Variants in CDH19 observed in about 807,000 individuals in gnomAD.
CDH19 encodes cadherin-19.
In CDH19, 67 loss-of-function variants were observed where a neutral mutation model predicts 64.2. The observed-to-expected ratio is 1.04, with a 90% confidence interval of 0.86 to 1.28. CDH19 has a LOEUF of 1.28. Ranked by LOEUF, CDH19 falls within the 50% of genes most tolerant of loss-of-function variation. The pLI is 0.00. For synonymous variants in CDH19, 346 were observed against 319.3 expected (o/e 1.08, Z -0.89); for missense variants, 1,030 against 929.0 (o/e 1.11, Z -1.41).
chr18:66,581,983 T>C (rs759929523), intron 1 of CDH19, among the ~76,000 whole-genome samples: 3 of 152,128 alleles, frequency 2.0e-5, no homozygotes, highest in Non-Finnish European at 4.4e-5. Context: ...TGTAAACAAA[T>C]GTATTCATAA....
chr18:66,535,075 A>G lies in CDH19; in HGVS notation c.1247T>C (p.Ile416Thr). 6.7e-7 allele frequency: 1 copy of G among 1,501,986 alleles called. No homozygotes were observed. Among genetic ancestry groups the G allele is most frequent in the Non-Finnish European group, 9.0e-7 (1 of 1,105,534 alleles). 93.0% of individuals were successfully genotyped at this position (1,501,986 alleles called of 1,614,324 possible). A position where few individuals can be genotyped will look rare whatever the true frequency, so the allele number is the denominator to read the frequency against. Residue 416 changes from isoleucine (I) to threonine (T), a missense_variant, in exon 8 of 12, where the codon ATC becomes ACC. Ile to Thr is a moderately conservative substitution (Grantham distance 89). Transcript: ENST00000262150. ...YSITRSKVFN[I>T]NDNGTITTSN... ...TGTAGTGATTGTACCATTATCATTGATATTGAACACTTTGCTCCTAGTAAT... is the reference window on the plus strand; with the variant it reads ...TGTAGTGATTGTACCATTATCATTGGTATTGAACACTTTGCTCCTAGTAAT...
At chr18:66,507,841 A>G (rs1023536179) in intron 11 of CDH19, among the ~76,000 whole-genome samples, 2 of 151,946 alleles carry the variant, frequency 1.3e-5, no homozygotes, top group East Asian at 3.9e-4. Flanking sequence ...TGTCTGATAT[A>G]TGTATACATT....
chr18:66,537,396 C>A (rs186206255), intron 7 of CDH19, among the ~76,000 whole-genome samples: 3 of 152,006 alleles, frequency 2.0e-5, no homozygotes, highest in Admixed American at 1.3e-4. Context: ...AGGAATAACA[C>A]AGACATGATA....
chr18:66,552,576 T>G (rs1313687380), intron 4 of CDH19, among the ~76,000 whole-genome samples: 1 of 112,060 alleles, frequency 8.9e-6, no homozygotes, highest in Non-Finnish European at 1.7e-5. Flanking sequence ...GACCTAGGAG[T>G]CTTTGTTCCC....
At chr18:66,508,350 A>G (rs948806891) in intron 11 of CDH19, among the ~76,000 whole-genome samples, 1 of 151,772 alleles carries the variant, frequency 6.6e-6, no homozygotes. Flanking sequence ...AGTTAATAAT[A>G]AGGTATTTTA....
chr18:66,534,529 C>G (rs1432226484), intron 8 of CDH19, among the ~76,000 whole-genome samples: 1 of 151,956 alleles, frequency 6.6e-6, no homozygotes, highest in Non-Finnish European at 1.5e-5. Flanking sequence ...AATTCTAAAT[C>G]TATTGACTAA....
At chr18:66,565,155 T>C (rs774166338) in intron 3 of CDH19, among the ~76,000 whole-genome samples, 2 of 151,890 alleles carry the variant, frequency 1.3e-5, no homozygotes, top group South Asian at 2.1e-4. Context: ...GGCAGAAAAA[T>C]AGTAACTTTG....
chr18:66,546,269 C>T (rs1270892864), intron 5 of CDH19, among the ~76,000 whole-genome samples: 1 of 152,090 alleles, frequency 6.6e-6, no homozygotes, highest in African/African-American at 2.4e-5. Context: ...TATTTTACTA[C>T]ATTTTTAGAG....
At chr18:66,589,716 C>T (rs1312698900) in intron 1 of CDH19, among the ~76,000 whole-genome samples, 1 of 149,622 alleles carries the variant, frequency 6.7e-6, no homozygotes, top group African/African-American at 2.5e-5. Flanking sequence ...AAACACAATC[C>T]TTCGTGAATG....
At chr18:66,509,885 T>A (rs1985388831) in intron 10 of CDH19, among the ~76,000 whole-genome samples, 1 of 151,906 alleles carries the variant, frequency 6.6e-6, no homozygotes, top group Non-Finnish European at 1.5e-5. Context: ...CACATTGCTG[T>A]TATTAATCTA....
chr18:66,554,605 C>A, intron 3 of CDH19, 81 bp from the exon 4 acceptor site: 5 of 1,134,680 alleles, frequency 4.4e-6, no homozygotes, highest in Non-Finnish European at 6.2e-6. Flanking sequence ...TCTTTCTTTA[C>A]CAAGCAAGAT....
chr18:66,505,448 C>T (rs1381337300), intron 11 of CDH19, 146 bp from the exon 12 acceptor site: 2 of 610,950 alleles, frequency 3.3e-6, no homozygotes, highest in East Asian at 6.8e-5. Flanking sequence ...GAAAATTTGC[C>T]AAAGGGACTT....
chr18:66,566,369 C>A lies in CDH19; in HGVS notation c.490+2047G>T, dbSNP rs1228069538. Among the ~76,000 whole-genome samples the A allele has an allele frequency of 2.0e-5, 3 of 150,704 alleles. No individual in the cohort carries two copies. In the Admixed American group the frequency reaches 2.0e-4, roughly 10 times the overall value. ...AATATTATTCTCTGGAATCATTCCC[C>A]ATAGTATATAACAGTGCTGTTCAAT... On this transcript the variant is annotated intron_variant, in intron 3 of 11. Transcript: ENST00000262150.
In CDH19 at chr18:66,502,301, T is replaced by C. The variant is rs1984979348; in HGVS notation, c.*2511A>G. ...GTGTCTGTGCTTTCCCTGTGTATCC[T>C]ATGATTGACAATCTTATAATCAACT... On this transcript the variant is annotated 3_prime_UTR_variant, in exon 12 of 12. Transcript: ENST00000262150. 1 of 152,058 alleles carries C rather than the reference T, an allele frequency of 6.6e-6. No individual in the cohort carries two copies. The highest frequency in any genetic ancestry group is 2.1e-4 in the South Asian group (1 of 4,832). 9.4% of individuals were successfully genotyped at this position (152,058 alleles called of 1,614,324 possible). A position where few individuals can be genotyped will look rare whatever the true frequency, so the allele number is the denominator to read the frequency against.
intron 1 of CDH19, among the ~76,000 whole-genome samples, chr18:66,574,398 A>T (rs1253446295): frequency 2.0e-5 from 3 of 151,678 alleles, no homozygotes; most frequent in Non-Finnish European, 3.0e-5. Flanking sequence ...GTTAAGCAGA[A>T]AAATTGAAAA....
intron 3 of CDH19, among the ~76,000 whole-genome samples, chr18:66,555,370 A>G (rs1184077792): frequency 1.4e-5 from 2 of 144,700 alleles, no homozygotes; most frequent in African/African-American, 2.5e-5. Context: ...TACAACTAGC[A>G]TCATGAATTT....
chr18:66,522,105 C>A (rs1165281427), intron 9 of CDH19, among the ~76,000 whole-genome samples: 1 of 151,648 alleles, frequency 6.6e-6, no homozygotes. Context: ...CGCCACCATG[C>A]CCGGCAATTT....
intron 1 of CDH19, among the ~76,000 whole-genome samples, chr18:66,590,181 T>A (rs1988702365): frequency 6.6e-6 from 1 of 151,534 alleles, no homozygotes; most frequent in South Asian, 2.1e-4. Flanking sequence ...GAGCTGGGTA[T>A]TTTTTTTAAC....
intron 3 of CDH19, among the ~76,000 whole-genome samples, chr18:66,563,988 C>T (rs1329669761): frequency 4.0e-5 from 6 of 151,762 alleles, no homozygotes; most frequent in Non-Finnish European, 2.9e-5. Context: ...AGAAATTCAT[C>T]CCAGTCTCAG....
Sources: gnomAD v4.1 joint callset for allele counts (sites outside exome capture counted in the v4.1 genomes callset) on GRCh38, gnomAD v4.1.1 for gene constraint, MANE v1.5 for transcripts, NCBI Gene and HGNC (gene_info 2026-07-23, HGNC 2026-07-21) for gene names.